The following TDRD9 variants were observed in gnomAD, a reference collection of about 807,000 sequenced individuals.
TDRD9 encodes the protein ATP-dependent RNA helicase TDRD9.
TDRD9 carries 124 observed loss-of-function variants against 172.6 expected under a neutral mutation model. The observed-to-expected ratio is 0.72, with a 90% CI of 0.62 to 0.83. TDRD9 has a LOEUF of 0.83. Ranked by LOEUF, TDRD9 falls within the 40% of genes least tolerant of loss-of-function variation. The pLI, the probability that TDRD9 is intolerant of heterozygous loss-of-function variation, is 0.00. For synonymous variants in TDRD9, 619 were observed against 617.1 expected (o/e 1.00, Z -0.05); for missense variants, 1,479 against 1,714.1 (o/e 0.86, Z 2.42).
chr14:103,947,607 A>G (rs553724913), intron 1 of TDRD9, among the ~76,000 whole-genome samples: 2 of 152,176 alleles, frequency 1.3e-5, no homozygotes, highest in Non-Finnish European at 1.5e-5. Context: ...GATTACAGGC[A>G]TGAGCCACCG....
rs2152263585 is a variant in TDRD9, at chr14:104,040,220, T to C, written c.3741T>C (p.Tyr1247=). The change falls in exon 33 of 36, where the codon TAT becomes TAC. Residue 1247 remains tyrosine, a synonymous_variant. Transcript: ENST00000409874. ...ELRIDQNGKY[Y]TGVLCGLGWN... ...GGATTGATCAGAATGGCAAGTACTA[T>C]ACTGGAGTCCTTTGTGGTTTGGGGT... The C allele has an allele frequency of 1.9e-6, 3 of 1,550,842 alleles. No homozygotes were observed. The East Asian group carries it at 7.3e-5, about 38-fold the overall frequency.
intron 27 of TDRD9, among the ~76,000 whole-genome samples, chr14:104,026,420 T>C (rs1396109918): frequency 6.6e-6 from 1 of 152,234 alleles, no homozygotes. Context: ...ACTTTTTAGG[T>C]AGGCCACAGA....
intron 7 of TDRD9, among the ~76,000 whole-genome samples, chr14:103,979,313 G>C (rs1348260344): frequency 6.6e-6 from 1 of 151,938 alleles, no homozygotes; most frequent in East Asian, 1.9e-4. Context: ...TCCATATCTT[G>C]GCTATTGTGA....
Position 103,928,627 on chromosome 14 carries a change from G to A in TDRD9, c.118G>A (p.Glu40Lys), listed in dbSNP as rs1426149346. The A allele has an allele frequency of 7.6e-7, 1 of 1,313,840 alleles. No homozygotes were observed. Among genetic ancestry groups the A allele is most frequent in the Non-Finnish European group, 9.9e-7 (1 of 1,014,974 alleles). 81.4% of individuals were successfully genotyped at this position (1,313,840 alleles called of 1,614,324 possible). A position where few individuals can be genotyped will look rare whatever the true frequency, so the allele number is the denominator to read the frequency against. ...CTTCCCGGCAGGGGCGGCCAGGGAG[G>A]AGGTGCAGCGCCAGGACGTGGCCCC... ...PAFPAGAAREEVQRQDVAPGA... is the reference protein window; with the variant it reads ...PAFPAGAAREKVQRQDVAPGA... Residue 40 changes from glutamate (E) to lysine (K), a missense_variant, in exon 1 of 36, where the codon GAG becomes AAG. Transcript: ENST00000409874.
chr14:104,015,511 C>A (rs963613362), intron 21 of TDRD9, among the ~76,000 whole-genome samples: 1 of 152,172 alleles, frequency 6.6e-6, no homozygotes, highest in African/African-American at 2.4e-5. Flanking sequence ...AGAAGGGACT[C>A]TTTGCAGAGT....
intron 2 of TDRD9, 103 bp from the exon 3 acceptor site, chr14:103,962,976 G>T: frequency 3.2e-6 from 2 of 631,974 alleles, no homozygotes; most frequent in South Asian, 2.1e-5. Context: ...GTGTGTGTGT[G>T]TGTGTGTGTG....
intron 1 of TDRD9, among the ~76,000 whole-genome samples, chr14:103,947,297 G>T (rs148052892): frequency 0.027 from 4,114 of 151,490 alleles, 85 homozygotes; most frequent in East Asian, 0.069. Flanking sequence ...TGTTTTTTTT[G>T]TTTGTTTGTT....
intron 4 of TDRD9, among the ~76,000 whole-genome samples, chr14:103,966,243 A>C (rs2152145111): frequency 1.3e-5 from 2 of 152,110 alleles, no homozygotes; most frequent in Middle Eastern, 3.4e-3. Context: ...GGGTATGAGA[A>C]TTGCTTGAAC....
At chr14:104,001,293 G>A (rs138885271) in intron 13 of TDRD9, among the ~76,000 whole-genome samples, 113 of 152,316 alleles carry the variant, frequency 7.4e-4, no homozygotes, top group Admixed American at 1.7e-3. Context: ...CGTAATTTCC[G>A]GGATGTTAGA....
At chr14:103,935,493 G>A (rs1030108420) in intron 1 of TDRD9, among the ~76,000 whole-genome samples, 1 of 152,178 alleles carries the variant, frequency 6.6e-6, no homozygotes, top group African/African-American at 2.4e-5. Flanking sequence ...TTTGTGGGGG[G>A]ATACCAGGAT....
chr14:104,018,369 T>A (rs1186482159), intron 23 of TDRD9, among the ~76,000 whole-genome samples, 177 bp downstream of exon 23: 2 of 152,220 alleles, frequency 1.3e-5, no homozygotes, highest in Non-Finnish European at 2.9e-5. Context: ...ATTTGTCTTC[T>A]CTTTCTGCTA....
intron 20 of TDRD9, among the ~76,000 whole-genome samples, chr14:104,013,485 G>T (rs931433807): frequency 6.6e-6 from 1 of 152,170 alleles, no homozygotes; most frequent in Admixed American, 6.5e-5. Context: ...CTCTGGGTGG[G>T]CACAGTTATG....
chr14:104,011,778 T>G (rs901678813), intron 20 of TDRD9, among the ~76,000 whole-genome samples: 1 of 152,198 alleles, frequency 6.6e-6, no homozygotes, highest in Non-Finnish European at 1.5e-5. Context: ...TGATTATATT[T>G]GTATATTCAG....
intron 1 of TDRD9, 175 bp downstream of exon 1, chr14:103,928,899 T>G: frequency 4.5e-6 from 1 of 223,104 alleles, no homozygotes; most frequent in East Asian, 9.0e-5. Context: ...CCCAGAGCGG[T>G]GCCTGTAAGG....
intron 1 of TDRD9, among the ~76,000 whole-genome samples, chr14:103,931,688 C>T (rs2030398736): frequency 1.3e-5 from 2 of 152,142 alleles, no homozygotes; most frequent in Non-Finnish European, 1.5e-5. Context: ...TCACTGGAAC[C>T]TGTGACTATG....
chr14:103,928,944 T>TC (rs1159812167), intron 1 of TDRD9: 1 of 233,204 alleles, frequency 4.3e-6, no homozygotes, highest in Non-Finnish European at 8.2e-6. Flanking sequence ...TTTTTTTTTT[T>TC]TCAGTTCTTA....
intron 32 of TDRD9, among the ~76,000 whole-genome samples, chr14:104,039,076 A>T (rs1383741258): frequency 6.6e-6 from 1 of 152,234 alleles, no homozygotes; most frequent in Non-Finnish European, 1.5e-5. Flanking sequence ...GGGAGGCTTC[A>T]GGAAACTTAC....
intron 7 of TDRD9, among the ~76,000 whole-genome samples, chr14:103,977,517 AAAAAAAT>A (rs1369695421): frequency 2.0e-5 from 3 of 150,350 alleles, no homozygotes; most frequent in African/African-American, 7.3e-5. Flanking sequence ...AAAAAAAAAA[AAAAAAAT>A]TGGATTGTTT....
chr14:103,932,239 C>T (rs187743657), intron 1 of TDRD9, among the ~76,000 whole-genome samples: 65 of 152,308 alleles, frequency 4.3e-4, no homozygotes, highest in African/African-American at 1.2e-3. Context: ...GAGCTGGGTT[C>T]GGATTGGGGT....
Sources: gnomAD v4.1 joint callset for allele counts (sites outside exome capture counted in the v4.1 genomes callset) on GRCh38, gnomAD v4.1.1 for gene constraint, MANE v1.5 for transcripts, NCBI Gene and HGNC (gene_info 2026-07-23, HGNC 2026-07-21) for gene names.